The following MAGI2 variants were observed in gnomAD, a reference collection of about 807,000 sequenced individuals.
MAGI2 encodes membrane-associated guanylate kinase, WW and PDZ domain-containing protein 2.
In MAGI2, 35 loss-of-function variants were observed where a neutral mutation model predicts 133.3. The observed-to-expected ratio is 0.26, with a 90% CI of 0.20 to 0.35. MAGI2 has a LOEUF of 0.35. Among genes scored for constraint, MAGI2 ranks in the 10% least tolerant of loss-of-function variants. MAGI2 has a pLI of 1.00. For missense variants in MAGI2, 1,636 were observed against 1,863.4 expected, an observed-to-expected ratio of 0.88 and a Z score of 2.25; for synonymous variants, 729 against 710.6, an observed-to-expected ratio of 1.03 and a Z score of -0.41.
intron 1 of MAGI2, among the ~76,000 whole-genome samples, chr7:79,257,407 C>T (rs1014313975): frequency 7.9e-5 from 12 of 151,994 alleles, no homozygotes; most frequent in Non-Finnish European, 1.5e-4. Flanking sequence ...TTTATCAAAT[C>T]CAAACTGTAG....
intron 2 of MAGI2, among the ~76,000 whole-genome samples, chr7:78,810,018 A>G (rs1042551718): frequency 2.0e-5 from 3 of 152,176 alleles, no homozygotes; most frequent in African/African-American, 7.2e-5. Context: ...AAAAAATATA[A>G]TTATGTAGGT....
At chr7:78,072,212 A>G (rs1219757460) in intron 21 of MAGI2, among the ~76,000 whole-genome samples, 2 of 152,260 alleles carry the variant, frequency 1.3e-5, no homozygotes. Context: ...ACTAATTATT[A>G]GTACAAATAT....
chr7:78,054,415 C>G (rs867590793), intron 21 of MAGI2, among the ~76,000 whole-genome samples: 1 of 150,622 alleles, frequency 6.6e-6, no homozygotes, highest in Non-Finnish European at 1.5e-5. Context: ...TGAGACACTG[C>G]GCCTGGCCTA....
At chr7:78,230,531 C>T (rs1163754983) in intron 10 of MAGI2, among the ~76,000 whole-genome samples, 1 of 152,144 alleles carries the variant, frequency 6.6e-6, no homozygotes, top group East Asian at 1.9e-4. Flanking sequence ...ACTAAGTTCA[C>T]ATTTTTCATC....
chr7:78,582,524 A>G (rs185441906), intron 3 of MAGI2, among the ~76,000 whole-genome samples: 3 of 152,234 alleles, frequency 2.0e-5, no homozygotes, highest in African/African-American at 7.2e-5. Flanking sequence ...ACCATCCTTT[A>G]CCCTTTTCCC....
At chr7:78,803,580 C>T (rs1788264211) in intron 2 of MAGI2, among the ~76,000 whole-genome samples, 1 of 151,952 alleles carries the variant, frequency 6.6e-6, no homozygotes, top group Admixed American at 6.6e-5. Flanking sequence ...GAACTGATTT[C>T]CTGTTTGGAG....
chr7:78,058,110 T>G lies in MAGI2; in HGVS notation c.3706+20837A>C, dbSNP rs1036922778. On this transcript the variant is annotated intron_variant, in intron 21 of 21. Transcript: ENST00000354212. ...GAATAGCAAAAAGACCCAACTCCTTTTTTTGAAGGTACTATGCTAACATCA... is the reference window on the plus strand; with the variant it reads ...GAATAGCAAAAAGACCCAACTCCTTGTTTTGAAGGTACTATGCTAACATCA... 9.9e-5 allele frequency among the ~76,000 whole-genome samples: 15 copies of G among 151,732 alleles called. No individual in the cohort carries two copies. In the East Asian group the frequency reaches 2.9e-3, roughly 29 times the overall value.
chr7:78,922,434 C>T (rs113513030), intron 2 of MAGI2, among the ~76,000 whole-genome samples: 2 of 150,400 alleles, frequency 1.3e-5, no homozygotes, highest in African/African-American at 2.4e-5. Context: ...TGAGTGAGAA[C>T]ATGCGGTGTT....
At chr7:79,237,277 G>A (rs968043274) in intron 1 of MAGI2, among the ~76,000 whole-genome samples, 14 of 152,122 alleles carry the variant, frequency 9.2e-5, no homozygotes, top group African/African-American at 2.7e-4. Context: ...GGTGGATCAC[G>A]AGGTCAGGCG....
At chr7:78,752,745 T>C (rs1269573265) in intron 2 of MAGI2, among the ~76,000 whole-genome samples, 1 of 152,236 alleles carries the variant, frequency 6.6e-6, no homozygotes, top group Non-Finnish European at 1.5e-5. Context: ...CACCTGTTAA[T>C]GCCAGGCTAG....
chr7:78,122,270 C>T (rs963598123), intron 20 of MAGI2, among the ~76,000 whole-genome samples: 2 of 152,016 alleles, frequency 1.3e-5, no homozygotes, highest in Non-Finnish European at 2.9e-5. Flanking sequence ...TCTTGTAAAT[C>T]GTTTTATGTT....
intron 1 of MAGI2, among the ~76,000 whole-genome samples, chr7:79,072,187 C>T (rs1337919482): frequency 6.6e-6 from 1 of 151,994 alleles, no homozygotes; most frequent in African/African-American, 2.4e-5. Context: ...AAATCACTCG[C>T]CTTCTGTGCC....
At chr7:79,075,614 T>G (rs1245271863) in intron 1 of MAGI2, among the ~76,000 whole-genome samples, 3 of 151,880 alleles carry the variant, frequency 2.0e-5, no homozygotes, top group African/African-American at 7.3e-5. Context: ...TATATAAAAA[T>G]TAGCCATGCA....
chr7:79,192,206 T>A (rs1827734552), intron 1 of MAGI2, among the ~76,000 whole-genome samples: 1 of 151,910 alleles, frequency 6.6e-6, no homozygotes. Flanking sequence ...ACTTTACCTT[T>A]CAGCAAGTTT....
chr7:78,552,908 G>C (rs1424343723), intron 3 of MAGI2, among the ~76,000 whole-genome samples: 1 of 151,736 alleles, frequency 6.6e-6, no homozygotes, highest in Non-Finnish European at 1.5e-5. Context: ...GAGTAAGGTG[G>C]TAGAACGAGA....
At chr7:78,829,950 G>A (rs1404752578) in intron 2 of MAGI2, among the ~76,000 whole-genome samples, 1 of 151,954 alleles carries the variant, frequency 6.6e-6, no homozygotes, top group Non-Finnish European at 1.5e-5. Context: ...TTGATATTTG[G>A]TGTTTGTTAG....
chr7:78,209,937 C>A (rs576456675), intron 10 of MAGI2, among the ~76,000 whole-genome samples: 7 of 152,308 alleles, frequency 4.6e-5, no homozygotes, highest in African/African-American at 1.7e-4. Context: ...TATTTGTCCA[C>A]TCTTTCTTAC....
chr7:78,706,147 T>TC lies in MAGI2; in HGVS notation c.419-78909dup, dbSNP rs34897938. 2.5e-3 allele frequency among the ~76,000 whole-genome samples: 378 copies of TC among 151,364 alleles called. 2 individuals are homozygous for TC. Among genetic ancestry groups the TC allele is most frequent in the South Asian group, 0.012 (55 of 4,758 alleles). On this transcript the variant is annotated intron_variant, in intron 2 of 21. Transcript: ENST00000354212. Reference sequence around the variant, plus strand: ...TAGTAAATGATATGGTTTGGCTGTGTCCCCCCCCAAATCTCAACTTTAATT... The same window carrying TC: ...TAGTAAATGATATGGTTTGGCTGTGTCCCCCCCCCAAATCTCAACTTTAATT...
At chr7:78,289,115 T>C (rs777632157) in intron 9 of MAGI2, among the ~76,000 whole-genome samples, 1 of 152,150 alleles carries the variant, frequency 6.6e-6, no homozygotes, top group African/African-American at 2.4e-5. Flanking sequence ...CTTTGATGAG[T>C]TGGCAGAAGT....
Sources: allele counts gnomAD v4.1 joint callset (sites outside exome capture counted in the v4.1 genomes callset), GRCh38; gene constraint gnomAD v4.1.1; transcripts MANE v1.5; gene names NCBI Gene and HGNC (gene_info 2026-07-23, HGNC 2026-07-21).